The following HMCN1 variants were observed in gnomAD, a reference collection of about 807,000 sequenced individuals.
The protein encoded by HMCN1 is hemicentin-1.
In HMCN1, 321 loss-of-function variants were observed where a neutral mutation model predicts 625.9. The observed-to-expected ratio is 0.51, with a 90% CI of 0.47 to 0.56. The LOEUF (loss-of-function observed/expected upper bound fraction) is 0.56. Ranked by LOEUF, HMCN1 falls within the 20% of genes least tolerant of loss-of-function variation. HMCN1 has a pLI of 0.00. For missense variants in HMCN1, 6,588 were observed against 6,887.3 expected (o/e 0.96, Z 1.54); for synonymous variants, 2,425 against 2,417.6 (o/e 1.00, Z -0.09).
intron 42 of HMCN1, 111 bp from the exon 43 acceptor site, chr1:186,052,841 G>A: frequency 1.1e-6 from 1 of 931,986 alleles, no homozygotes. Context: ...AACCTCATAT[G>A]ACAATTTCTT....
At chr1:185,946,804 A>C (rs1035368389) in intron 11 of HMCN1, among the ~76,000 whole-genome samples, 30 of 152,246 alleles carry the variant, frequency 2.0e-4, no homozygotes, top group African/African-American at 7.2e-4. Flanking sequence ...ATTTTGTACT[A>C]AGAGTTACTG....
Position 185,865,858 on chromosome 1 carries a change from A to G in HMCN1, c.616A>G (p.Asn206Asp). The G allele has an allele frequency of 6.2e-7, 1 of 1,613,570 alleles. No homozygotes were observed. Among genetic ancestry groups the G allele is most frequent in the Non-Finnish European group, 8.5e-7 (1 of 1,179,818 alleles). The change falls in exon 4 of 107, where the codon AAT (asparagine) becomes GAT (aspartate). Residue 206 changes from asparagine (N) to aspartate (D), a missense_variant. Physicochemically the swap from Asn to Asp is conservative, Grantham distance 23. Coordinates refer to ENST00000271588, the MANE Select transcript of HMCN1 (RefSeq NM_031935.3). ...GTTCCATCTGGACAAAAAACAAGTT[A>G]ATGAGGTCAGTTTAATAAAGGGAGT... ...QVFHLDKKQV[N>D]EVLKWVEEAV...
intron 7 of HMCN1, 135 bp downstream of exon 7, chr1:185,922,634 T>C (rs1490543322): frequency 1.1e-5 from 9 of 803,662 alleles, no homozygotes; most frequent in Non-Finnish European, 1.8e-5. Flanking sequence ...GACTGTTCTC[T>C]TGGCCTAATC....
intron 6 of HMCN1, among the ~76,000 whole-genome samples, chr1:185,918,028 A>G (rs890826007): frequency 2.0e-5 from 3 of 152,164 alleles, no homozygotes; most frequent in African/African-American, 7.2e-5. Context: ...TTATCTCTGT[A>G]TTAGGGTTCT....
At chr1:186,005,222 C>CA (rs1653498325) in intron 29 of HMCN1, among the ~76,000 whole-genome samples, 5 of 123,208 alleles carry the variant, frequency 4.1e-5, no homozygotes, top group East Asian at 3.0e-4. Context: ...TGTTTATAAA[C>CA]AATTTTTTAA....
Position 185,846,126 on chromosome 1 carries a change from G to A in HMCN1, c.339+30G>A, listed in dbSNP as rs189502409. 5 of 1,480,408 alleles carry A rather than the reference G, an allele frequency of 3.4e-6. No individual in the cohort carries two copies. In the East Asian group the frequency reaches 9.0e-5, roughly 27 times the overall value. The allele number at this position is 1,480,408 out of a possible 1,614,324, so 91.7% of individuals were successfully genotyped here. A position where few individuals can be genotyped will look rare whatever the true frequency, so the allele number is the denominator to read the frequency against. ...GTGCTTGCTTTCAGTGTTCTCTTGGGGGAATGGAAAATCATGAGCCTTTGG... is the reference window on the plus strand; with the variant it reads ...GTGCTTGCTTTCAGTGTTCTCTTGGAGGAATGGAAAATCATGAGCCTTTGG... On this transcript the variant is annotated intron_variant, in intron 2 of 106. Coordinates refer to ENST00000271588, the MANE Select transcript of HMCN1 (RefSeq NM_031935.3).
rs1653450090 is a variant in HMCN1 at position 185,734,875 on chromosome 1, T to G, written c.96T>G (p.Ala32=). 6.2e-7 allele frequency: 1 copy of G among 1,613,930 alleles called. No individual in the cohort carries two copies. Residue 32 remains alanine, a synonymous_variant, in exon 1 of 107, where the codon GCT becomes GCG. Coordinates refer to ENST00000271588, the MANE Select transcript of HMCN1 (RefSeq NM_031935.3). The part of the protein sequence containing the change: ...QDASPQSEIR[A]EEIPEGASTL... ...CGAGCCCCCAGTCAGAGATCAGAGC[T>G]GAGGAAATTCCCGAGGGGGCCTCCA...
At chr1:185,915,547 G>T (rs539167732) in intron 6 of HMCN1, among the ~76,000 whole-genome samples, 2 of 152,110 alleles carry the variant, frequency 1.3e-5, no homozygotes, top group Admixed American at 1.3e-4. Context: ...AGTACATTTG[G>T]ATAAACTGTC....
chr1:186,044,747 T>C (rs1656450030), intron 40 of HMCN1, among the ~76,000 whole-genome samples: 1 of 152,166 alleles, frequency 6.6e-6, no homozygotes, highest in Non-Finnish European at 1.5e-5. Flanking sequence ...CTGTGCTTTA[T>C]TGGAGTGTAA....
At chr1:185,735,173 T>C in intron 1 of HMCN1, 126 bp downstream of exon 1, 1 of 1,098,636 alleles carries the variant, frequency 9.1e-7, no homozygotes, top group Admixed American at 2.0e-5. Context: ...CTGAAAATAG[T>C]TGTAACAAAG....
rs1422393808 is a variant in HMCN1 at position 185,994,818 on chromosome 1, C to T, written c.3509C>T (p.Pro1170Leu). The change falls in exon 24 of 107, where the codon CCT (proline) becomes CTT (leucine). Residue 1170 changes from proline to leucine, a missense_variant. By Grantham distance (98) the Pro-to-Leu change is moderately conservative. Coordinates refer to ENST00000271588, the MANE Select transcript of HMCN1 (RefSeq NM_031935.3). ...AATACCCAGTTATTATTTCTAGTTC[C>T]TCCAAAGATACAGCGTGGACCTAAA... ...TQAVKLNVHV[P>L]PKIQRGPKHL... 1.2e-6 allele frequency: 2 copies of T among 1,613,110 alleles called. No individual in the cohort carries two copies. The highest frequency in any genetic ancestry group is 1.7e-6 in the Non-Finnish European group (2 of 1,179,378).
intron 13 of HMCN1, among the ~76,000 whole-genome samples, chr1:185,965,571 T>G (rs1340239211): frequency 6.6e-6 from 1 of 152,078 alleles, no homozygotes; most frequent in Non-Finnish European, 1.5e-5. Flanking sequence ...TGATAATTAT[T>G]TTTTGTTTTA....
chr1:186,023,172 C>A lies in HMCN1; in HGVS notation c.5749+19C>A. 1 of 1,606,706 alleles carries A rather than the reference C, an allele frequency of 6.2e-7. No homozygotes were observed. The highest frequency in any genetic ancestry group is 8.5e-7 in the Non-Finnish European group (1 of 1,174,020). On this transcript the variant is annotated intron_variant, in intron 36 of 106. Transcript: ENST00000271588. The stretch of plus-strand genomic sequence containing the variant: ...GTTCATGGTAATGTAATTTCTACAC[C>A]TTAACAAAAGAATATTTGTATCACT...
chr1:186,021,853 C>T (rs1571729878), intron 35 of HMCN1, among the ~76,000 whole-genome samples: 1 of 152,058 alleles, frequency 6.6e-6, no homozygotes, highest in Non-Finnish European at 1.5e-5. Context: ...GATAGATTAA[C>T]AGCTGGGGAG....
chr1:185,893,594 C>A (rs919369347), intron 4 of HMCN1, among the ~76,000 whole-genome samples: 1 of 152,064 alleles, frequency 6.6e-6, no homozygotes, highest in Non-Finnish European at 1.5e-5. Context: ...AATTTTGCTA[C>A]CACGGAAACG....
intron 4 of HMCN1, among the ~76,000 whole-genome samples, chr1:185,869,001 G>C (rs192497092): frequency 6.6e-6 from 1 of 152,238 alleles, no homozygotes; most frequent in Admixed American, 6.5e-5. Context: ...CAACAATAGA[G>C]CTGAGGCTTT....
At chr1:186,000,526 A>G (rs1653105993) in intron 26 of HMCN1, among the ~76,000 whole-genome samples, 1 of 150,268 alleles carries the variant, frequency 6.7e-6, no homozygotes, top group Non-Finnish European at 1.5e-5. Context: ...GATAAAGGAA[A>G]GTTATCAGCG....
chr1:186,037,869 A>G (rs970228148), intron 36 of HMCN1, 65 bp from the exon 37 acceptor site: 1 of 968,386 alleles, frequency 1.0e-6, no homozygotes, highest in African/African-American at 1.6e-5. Context: ...ATTTTAATTG[A>G]GCAAACAATT....
At chr1:185,748,583 G>A (rs1212649943) in intron 1 of HMCN1, among the ~76,000 whole-genome samples, 1 of 152,054 alleles carries the variant, frequency 6.6e-6, no homozygotes, top group African/African-American at 2.4e-5. Context: ...AAATTAACAG[G>A]GGATTTGATT....
Sources: gnomAD v4.1 joint callset for allele counts (sites outside exome capture counted in the v4.1 genomes callset) on GRCh38, gnomAD v4.1.1 for gene constraint, MANE v1.5 for transcripts, NCBI Gene and HGNC (gene_info 2026-07-23, HGNC 2026-07-21) for gene names.